WIPF1: variants seen among roughly 807,000 people sequenced by gnomAD.
WIPF1 encodes the protein WAS/WASL-interacting protein family member 1.
WIPF1 carries 13 observed loss-of-function variants against 35.4 expected under a neutral mutation model. The observed-to-expected ratio is 0.37, with a 90% CI of 0.24 to 0.58. The LOEUF (loss-of-function observed/expected upper bound fraction) is 0.58. Among genes scored for constraint, WIPF1 ranks in the 20% least tolerant of loss-of-function variants. WIPF1 has a pLI of 0.74. For missense variants in WIPF1, 591 were observed against 667.0 expected (o/e 0.89, Z 1.25); for synonymous variants, 267 against 266.3 (o/e 1.00, Z -0.02).
At chr2:174,579,783 G>A (rs928966442) in intron 3 of WIPF1, among the ~76,000 whole-genome samples, 6 of 152,204 alleles carry the variant, frequency 3.9e-5, no homozygotes, top group African/African-American at 1.4e-4. Flanking sequence ...AGAACCACAG[G>A]CCTCTGTCCT....
At chr2:174,609,729 G>A (rs941141812) in intron 1 of WIPF1, among the ~76,000 whole-genome samples, 1 of 152,182 alleles carries the variant, frequency 6.6e-6, no homozygotes, top group Non-Finnish European at 1.5e-5. Context: ...ATTACAAGTG[G>A]GCACGGGGTC....
chr2:174,615,968 GC>G (rs1380972222), intron 1 of WIPF1, among the ~76,000 whole-genome samples: 1 of 152,136 alleles, frequency 6.6e-6, no homozygotes, highest in African/African-American at 2.4e-5. Context: ...CACTAATAAA[GC>G]TTTACTGCCA....
chr2:174,603,415 G>A (rs1365527559), intron 1 of WIPF1, among the ~76,000 whole-genome samples: 1 of 152,226 alleles, frequency 6.6e-6, no homozygotes, highest in Non-Finnish European at 1.5e-5. Context: ...GCTGATTTGA[G>A]GTTGGGGAAG....
At chr2:174,619,298 T>C (rs1686605393) in intron 1 of WIPF1, among the ~76,000 whole-genome samples, 2 of 152,348 alleles carry the variant, frequency 1.3e-5, no homozygotes, top group East Asian at 3.9e-4. Flanking sequence ...GACTGCATTA[T>C]ATTCATTTAT....
intron 1 of WIPF1, among the ~76,000 whole-genome samples, chr2:174,586,347 A>G (rs542662412): frequency 1.3e-5 from 2 of 152,310 alleles, no homozygotes; most frequent in Admixed American, 6.5e-5. Context: ...CCAGAAATGC[A>G]TTTCATTTAG....
chr2:174,633,074 G>A (rs1003183295), intron 1 of WIPF1, among the ~76,000 whole-genome samples: 1 of 152,146 alleles, frequency 6.6e-6, no homozygotes, highest in South Asian at 2.1e-4. Context: ...TGATAACAAT[G>A]TGGGCTGGCT....
chr2:174,581,243 G>T (rs1345602617), intron 3 of WIPF1, 67 bp downstream of exon 3: 2 of 1,534,526 alleles, frequency 1.3e-6, no homozygotes, highest in African/African-American at 2.8e-5. Context: ...ATTGAGTGGT[G>T]AGGGTAGGGT....
chr2:174,664,655 A>C (rs1687852290), intron 1 of WIPF1, among the ~76,000 whole-genome samples: 1 of 152,242 alleles, frequency 6.6e-6, no homozygotes, highest in South Asian at 2.1e-4. Context: ...GCCAAGAGCC[A>C]GGGCAAGCTG....
chr2:174,598,788 A>G (rs1685903556), upstream of WIPF1, among the ~76,000 whole-genome samples: 1 of 152,218 alleles, frequency 6.6e-6, no homozygotes. Flanking sequence ...AGAGATAAAG[A>G]GGGTGGAAGG....
At position 174,568,033 on chromosome 2, in the gene WIPF1, G is replaced by A. The variant is rs1205840828; in HGVS notation, c.1170C>T (p.Ser390=). The stretch of plus-strand genomic sequence containing the variant: ...GGGTAGCAGGCAGGGCCCGAGATGT[G>A]CTGCCGTTTCTGCTTACTGGAGGAG... ...PPPPPVSRNG[S]TSRALPATPQ... The change falls in exon 6 of 8, where the codon AGC becomes AGT. Residue 390 remains serine (S), a synonymous_variant. Coordinates refer to ENST00000679041, the MANE Select transcript of WIPF1 (RefSeq NM_001375834.1). 6.8e-6 allele frequency: 11 copies of A among 1,613,412 alleles called. No homozygotes were observed. The highest frequency in any genetic ancestry group is 9.3e-6 in the Non-Finnish European group (11 of 1,180,032).
chr2:174,583,524 C>T (rs555036918), intron 2 of WIPF1, among the ~76,000 whole-genome samples: 20 of 152,312 alleles, frequency 1.3e-4, no homozygotes, highest in Non-Finnish European at 2.4e-4. Flanking sequence ...CACCAACCCA[C>T]CTTTTCCCTT....
At chr2:174,634,536 C>T (rs1477767061) in intron 1 of WIPF1, 3 of 152,236 alleles carry the variant, frequency 2.0e-5, no homozygotes, top group Non-Finnish European at 4.4e-5. Flanking sequence ...TTTTAATCTG[C>T]TGAAAACAAC....
chr2:174,627,422 CTTCT>C (rs944038793), intron 1 of WIPF1, among the ~76,000 whole-genome samples: 11 of 151,068 alleles, frequency 7.3e-5, no homozygotes, highest in South Asian at 2.1e-4. Flanking sequence ...TTCTTCTTTC[CTTCT>C]TTCTTTCCTT....
chr2:174,682,418 C>G (rs1024677924), intron 1 of WIPF1, among the ~76,000 whole-genome samples: 2 of 152,180 alleles, frequency 1.3e-5, no homozygotes, highest in Admixed American at 6.5e-5. Flanking sequence ...CTGCTCGAGA[C>G]CTACGGAGAT....
chr2:174,614,617 T>C (rs1347596587), intron 1 of WIPF1, among the ~76,000 whole-genome samples: 1 of 152,216 alleles, frequency 6.6e-6, no homozygotes, highest in African/African-American at 2.4e-5. Context: ...CAAATAAAGC[T>C]TTGGCAAAAT....
At chr2:174,660,457 T>C (rs1333329719) in intron 1 of WIPF1, among the ~76,000 whole-genome samples, 1 of 152,204 alleles carries the variant, frequency 6.6e-6, no homozygotes, top group Non-Finnish European at 1.5e-5. Flanking sequence ...TGGCAGGTAG[T>C]CAACATTCCC....
intron 1 of WIPF1, among the ~76,000 whole-genome samples, chr2:174,657,330 G>C (rs957789329): frequency 1.4e-4 from 21 of 152,214 alleles, no homozygotes; most frequent in Non-Finnish European, 2.6e-4. Context: ...AATTATCAAT[G>C]TATGTCTAGA....
chr2:174,657,350 C>G (rs1021194796), intron 1 of WIPF1, among the ~76,000 whole-genome samples: 3 of 152,134 alleles, frequency 2.0e-5, no homozygotes, highest in Non-Finnish European at 4.4e-5. Context: ...AATAGCATGC[C>G]TCTTAAACCT....
At chr2:174,659,802 C>T (rs915617613) in intron 1 of WIPF1, among the ~76,000 whole-genome samples, 2 of 152,154 alleles carry the variant, frequency 1.3e-5, no homozygotes, top group African/African-American at 2.4e-5. Context: ...AATTTATCTG[C>T]GTATAGTAAG....
Sources: gnomAD v4.1 joint callset for allele counts (sites outside exome capture counted in the v4.1 genomes callset) on GRCh38, gnomAD v4.1.1 for gene constraint, MANE v1.5 for transcripts, NCBI Gene and HGNC (gene_info 2026-07-23, HGNC 2026-07-21) for gene names.